AZIN2: variants seen among roughly 807,000 people sequenced by gnomAD.
The protein encoded by AZIN2 is ODC antizyme inhibitor-2.
AZIN2 carries 28 observed loss-of-function variants against 47.8 expected under a neutral mutation model. The observed-to-expected ratio is 0.59, with a 90% CI of 0.43 to 0.80. AZIN2 has a LOEUF of 0.80. Among genes scored for constraint, AZIN2 ranks in the 30% least tolerant of loss-of-function variants. AZIN2 has a pLI of 0.00. For missense variants in AZIN2, 535 were observed against 582.5 expected, an observed-to-expected ratio of 0.92 and a Z score of 0.84; for synonymous variants, 221 against 239.4, an observed-to-expected ratio of 0.92 and a Z score of 0.71.
chr1:33,109,888 G>A (rs1168863098), intron 10 of AZIN2, among the ~76,000 whole-genome samples: 14 of 152,162 alleles, frequency 9.2e-5, no homozygotes, highest in Admixed American at 7.2e-4. Context: ...ATCCAAATAT[G>A]TATTAAATGG....
At chr1:33,146,817 T>C in the AZIN2 span, 2 of 311,568 alleles carry the variant, frequency 6.4e-6, no homozygotes, top group Admixed American at 4.6e-5. Flanking sequence ...CTACTGGCCA[T>C]GCTCTGACAC....
chr1:33,164,200 G>C, the AZIN2 span: 1 of 152,284 alleles, frequency 6.6e-6, no homozygotes, highest in Non-Finnish European at 1.5e-5. Context: ...GGAATGTTCT[G>C]TGAAGAATTG....
At chr1:33,132,221 AT>A in the AZIN2 span, among the ~76,000 whole-genome samples, 1 of 152,190 alleles carries the variant, frequency 6.6e-6, no homozygotes, top group African/African-American at 2.4e-5. Context: ...TCCAGCCACT[AT>A]GTTCCCTAAA....
chr1:33,139,967 G>A, the AZIN2 span, among the ~76,000 whole-genome samples: 21 of 152,284 alleles, frequency 1.4e-4, no homozygotes, highest in East Asian at 4.1e-3. Flanking sequence ...TATTATAAAT[G>A]TGCATAGGTT....
At chr1:33,096,400 A>G (rs1485400015) in intron 8 of AZIN2, among the ~76,000 whole-genome samples, 1 of 152,138 alleles carries the variant, frequency 6.6e-6, no homozygotes, top group Non-Finnish European at 1.5e-5. Context: ...GTTATTTATG[A>G]AAGAAAGATC....
the AZIN2 span, among the ~76,000 whole-genome samples, chr1:33,132,457 A>G: frequency 1.3e-5 from 2 of 152,118 alleles, no homozygotes; most frequent in East Asian, 1.9e-4. Context: ...TAGTTTGTCA[A>G]CCCCTAAACT....
intron 10 of AZIN2, among the ~76,000 whole-genome samples, chr1:33,114,207 C>T (rs753365896): frequency 2.0e-4 from 31 of 151,650 alleles, no homozygotes; most frequent in Admixed American, 2.6e-4. Flanking sequence ...CTGAAACCTC[C>T]GTCCGGGTTC....
In AZIN2 at chr1:33,122,111, ACTT is replaced by A. The variant is rs1037399231; in HGVS notation, c.*1934_*1936del. On this transcript the variant is annotated 3_prime_UTR_variant, in exon 12 of 12. Transcript: ENST00000294517. ...CAGTAATTGTCTATCAGACTCTGAG[ACTT>A]CTTCCATCTCAGATCTCCAAGCACT... 6.6e-6 allele frequency among the ~76,000 whole-genome samples: 1 copy of A among 152,186 alleles called. No homozygotes were observed. The highest frequency in any genetic ancestry group is 1.5e-5 in the Non-Finnish European group (1 of 68,044).
the AZIN2 span, among the ~76,000 whole-genome samples, chr1:33,144,161 G>A: frequency 2.2e-5 from 3 of 138,830 alleles, no homozygotes; most frequent in African/African-American, 5.3e-5. Flanking sequence ...TTTTTGAGAC[G>A]GAGTTTCGCT....
chr1:33,153,937 CACAG>C, the AZIN2 span, among the ~76,000 whole-genome samples: 1 of 152,222 alleles, frequency 6.6e-6, no homozygotes, highest in East Asian at 1.9e-4. Context: ...GAGACAGCCA[CACAG>C]ACAATGACAA....
At chr1:33,112,910 TTAC>T (rs1374076349) in intron 10 of AZIN2, among the ~76,000 whole-genome samples, 1 of 152,194 alleles carries the variant, frequency 6.6e-6, no homozygotes, top group East Asian at 1.9e-4. Context: ...CTTTTTTGCT[TTAC>T]TAAGTTTTTC....
chr1:33,134,870 T>C, the AZIN2 span, among the ~76,000 whole-genome samples: 5 of 152,148 alleles, frequency 3.3e-5, no homozygotes, highest in Non-Finnish European at 5.9e-5. Flanking sequence ...GTCTTCTACT[T>C]CCTCTTCCAT....
At chr1:33,144,958 G>A in the AZIN2 span, among the ~76,000 whole-genome samples, 4 of 152,226 alleles carry the variant, frequency 2.6e-5, no homozygotes, top group African/African-American at 9.6e-5. Context: ...TAAATTATGT[G>A]AAATTGGTAT....
At chr1:33,099,654 C>T (rs185119198) in intron 10 of AZIN2, among the ~76,000 whole-genome samples, 234 of 152,304 alleles carry the variant, frequency 1.5e-3, no homozygotes, top group Non-Finnish European at 2.6e-3. Context: ...TTTGCTTTGG[C>T]TGATCTCTAG....
intron 5 of AZIN2, 37 bp downstream of exon 5, chr1:33,084,164 C>G (rs1641608963): frequency 1.3e-6 from 2 of 1,599,906 alleles, no homozygotes; most frequent in African/African-American, 2.7e-5. Flanking sequence ...ACCCTCCATG[C>G]CCACTGAACA....
rs572101974 is a variant in AZIN2, at chr1:33,120,152, C to T, written c.1353C>T (p.Gly451=). ...GWEITDTLCV[G]PVFTPASIM is the part of the protein sequence containing the mutation. Reference sequence around the variant, plus strand: ...AGATCACAGACACCCTGTGCGTGGGCCCTGTCTTCACCCCAGCGAGCATCA... The same window carrying T: ...AGATCACAGACACCCTGTGCGTGGGTCCTGTCTTCACCCCAGCGAGCATCA... Residue 451 remains glycine (G), a synonymous_variant, in exon 12 of 12, where the codon GGC becomes GGT. Coordinates refer to ENST00000294517, the MANE Select transcript of AZIN2 (RefSeq NM_052998.4). 27 of 1,613,056 alleles carry T rather than the reference C, an allele frequency of 1.7e-5. No individual in the cohort carries two copies. The South Asian group carries it at 2.5e-4, about 15-fold the overall frequency.
the AZIN2 span, among the ~76,000 whole-genome samples, chr1:33,130,122 G>C: frequency 6.6e-6 from 1 of 152,196 alleles, no homozygotes; most frequent in African/African-American, 2.4e-5. Flanking sequence ...GCCTCCCAAA[G>C]TGCTGGGATT....
At chr1:33,166,756 C>G in the AZIN2 span, among the ~76,000 whole-genome samples, 2 of 152,232 alleles carry the variant, frequency 1.3e-5, no homozygotes, top group African/African-American at 4.8e-5. Flanking sequence ...CCACAACACA[C>G]AAGATATCAA....
intron 7 of AZIN2, among the ~76,000 whole-genome samples, chr1:33,094,011 G>A (rs1013614883): frequency 2.6e-5 from 4 of 152,184 alleles, no homozygotes; most frequent in African/African-American, 9.7e-5. Context: ...GGGATTACAG[G>A]TGTGAGCCAC....
Sources: gnomAD v4.1 joint callset for allele counts (sites outside exome capture counted in the v4.1 genomes callset) on GRCh38, gnomAD v4.1.1 for gene constraint, MANE v1.5 for transcripts, NCBI Gene and HGNC (gene_info 2026-07-23, HGNC 2026-07-21) for gene names.